The following RNF213 variants were observed in gnomAD, a reference collection of about 807,000 sequenced individuals.
The protein encoded by RNF213 is E3 ubiquitin-protein ligase RNF213.
Under a neutral mutation model 514.4 loss-of-function variants are expected in RNF213, and 341 were observed. The ratio of observed to expected loss-of-function variants is 0.66; its 90% CI spans 0.61 to 0.73. The LOEUF is 0.73. RNF213 is among the 30% of genes least tolerant of loss of function. The probability of loss-of-function intolerance (pLI) is 0.00; values close to 1 mark genes in which losing one functional copy is unlikely to be tolerated. For missense variants in RNF213, 5,767 were observed against 6,615.6 expected (o/e 0.87, Z 4.45); for synonymous variants, 2,655 against 2,658.2 (o/e 1.00, Z 0.04).
In RNF213 at chr17:80,347,509, A is replaced by C. The variant is rs757970200; in HGVS notation, c.9174A>C (p.Thr3058=). ...NYVALQILQQ[T]FFEGDQQPEI... is the part of the protein sequence containing the mutation. Reference sequence around the variant, plus strand: ...TGGCACTGCAGATCCTGCAGCAGACATTCTTCGAGGGGGACCAGCAGCCGG... The same window carrying C: ...TGGCACTGCAGATCCTGCAGCAGACCTTCTTCGAGGGGGACCAGCAGCCGG... Residue 3058 remains threonine, a synonymous_variant, in exon 29 of 68, where the codon ACA becomes ACC. Transcript: ENST00000582970. This position sits in a 1 kb window ranked among gnomAD's most constrained non-coding sequence, Gnocchi z 7.2. The C allele has an allele frequency of 6.2e-7, 1 of 1,614,002 alleles. No homozygotes were observed. The highest frequency in any genetic ancestry group is 8.5e-7 in the Non-Finnish European group (1 of 1,180,052).
In RNF213 at chr17:80,345,382, C is replaced by G; in HGVS notation, c.7047C>G (p.Asp2349Glu). The G allele has an allele frequency of 6.2e-7, 1 of 1,614,106 alleles. No individual in the cohort carries two copies. The highest frequency in any genetic ancestry group is 8.5e-7 in the Non-Finnish European group (1 of 1,180,032). Residue 2349 changes from aspartate (D) to glutamate (E), a missense_variant, in exon 29 of 68, where the codon GAC becomes GAG. Around this residue, in one of 13 missense-constraint regions of RNF213, gnomAD observed 1,377 missense variants for 1,635.2 expected, o/e 0.84. Coordinates refer to ENST00000582970, the MANE Select transcript of RNF213 (RefSeq NM_001256071.3). This position sits in a 1 kb window ranked among gnomAD's most constrained non-coding sequence, Gnocchi z 6.0. ...TCAAGAGAGACGTCATGACCAGGGA[C>G]CTGTACCAGGGCCTGCTGCTCCAGA... The part of the protein sequence containing the change: ...KVIKRDVMTR[D>E]LYQGLLLQRV...
chr17:80,346,006 C>T lies in RNF213; in HGVS notation c.7671C>T (p.Gly2557=). The T allele has an allele frequency of 6.2e-7, 1 of 1,614,202 alleles. No individual in the cohort carries two copies. The highest frequency in any genetic ancestry group is 8.5e-7 in the Non-Finnish European group (1 of 1,180,036). The stretch of plus-strand genomic sequence containing the variant: ...TGGAGGAGACGGCCGACAGGCTGGG[C>T]TCCATTCCTCTGAGGCAGCTGGTAT... ...VSMEETADRL[G]SIPLRQLVYR... is the part of the protein sequence containing the mutation. The change falls in exon 29 of 68, where the codon GGC becomes GGT. Residue 2557 remains glycine, a synonymous_variant. Coordinates refer to ENST00000582970, the MANE Select transcript of RNF213 (RefSeq NM_001256071.3). This position sits in a 1 kb window ranked among gnomAD's most constrained non-coding sequence, Gnocchi z 8.1.
chr17:80,290,402 CTTG>C (rs1568019021), intron 6 of RNF213, among the ~76,000 whole-genome samples, 165 bp from the exon 7 acceptor site: 2 of 140,540 alleles, frequency 1.4e-5, no homozygotes, highest in Non-Finnish European at 3.1e-5. Flanking sequence ...TGTACGTGTG[CTTG>C]TGTGTGTGCG....
intron 54 of RNF213, among the ~76,000 whole-genome samples, chr17:80,378,568 C>T (rs767105240): frequency 7.9e-5 from 12 of 152,168 alleles, no homozygotes; most frequent in Non-Finnish European, 1.5e-4. Context: ...GCGATCCTCC[C>T]GCCTCGGCCT....
At chr17:80,309,850 G>A (rs1207345751) in intron 14 of RNF213, among the ~76,000 whole-genome samples, 1 of 151,996 alleles carries the variant, frequency 6.6e-6, no homozygotes, top group African/African-American at 2.4e-5. Flanking sequence ...CCGCCTCCTG[G>A]GTTCACGCCA....
At chr17:80,282,694 G>A (rs1021856221) in intron 3 of RNF213, among the ~76,000 whole-genome samples, 7 of 150,958 alleles carry the variant, frequency 4.6e-5, no homozygotes, top group Admixed American at 3.3e-4. Context: ...CACTGCACCC[G>A]GCCTATTATT....
At chr17:80,294,594 T>G (rs1038927859) in intron 8 of RNF213, 126 bp from the exon 9 acceptor site, 3 of 1,219,446 alleles carry the variant, frequency 2.5e-6, no homozygotes, top group Non-Finnish European at 2.4e-6. Flanking sequence ...GCTTTTCCCT[T>G]CCTCCCTTCC....
intron 61 of RNF213, 43 bp downstream of exon 61, chr17:80,385,664 C>A (rs753429637): frequency 1.1e-5 from 17 of 1,540,742 alleles, no homozygotes; most frequent in Non-Finnish European, 1.5e-5. Flanking sequence ...TCCAGGAGAG[C>A]CTCGTCTGAA....
chr17:80,354,885 A>G (rs1439726132), intron 36 of RNF213: 1 of 417,534 alleles, frequency 2.4e-6, no homozygotes, highest in Non-Finnish European at 4.5e-6. Context: ...AACCCTAGAA[A>G]GGGCTGCTGT....
At chr17:80,378,803 T>C (rs1296404930) in intron 54 of RNF213, among the ~76,000 whole-genome samples, 1 of 152,238 alleles carries the variant, frequency 6.6e-6, no homozygotes, top group East Asian at 1.9e-4. Flanking sequence ...GCCGTGACTC[T>C]CAGTATATTG....
At position 80,288,003 on chromosome 17, in the gene RNF213, C is replaced by A. The variant is rs775458343; in HGVS notation, c.450C>A (p.Pro150=). Residue 150 remains proline, a synonymous_variant, in exon 4 of 68, where the codon CCC becomes CCA. Coordinates refer to ENST00000582970, the MANE Select transcript of RNF213 (RefSeq NM_001256071.3). The surrounding 1 kb of genome is among the most constrained non-coding windows in gnomAD (Gnocchi z 4.9). ...GCCCCACTGGCCAGCCGAGCCAGCC[C>A]CCAGGCACAGCCACCACGCCACTGG... The part of the protein sequence containing the change: ...QSGPTGQPSQ[P]PGTATTPLEG... The A allele has an allele frequency of 3.8e-6, 6 of 1,590,414 alleles. No individual in the cohort carries two copies. The highest frequency in any genetic ancestry group is 4.3e-6 in the Non-Finnish European group (5 of 1,168,720).
rs1426321001 is a variant in RNF213 at position 80,313,072 on chromosome 17, A to G, written c.2716A>G (p.Thr906Ala). ...NNSVQTVFQGTLAATKRWLRE... is the reference protein window; with the variant it reads ...NNSVQTVFQGALAATKRWLRE... ...TTCAGTCCAAACAGTCTTCCAAGGG[A>G]CCCTTGCTGCTACGAAAAGGTGGCT... Residue 906 changes from threonine (T) to alanine (A), a missense_variant, in exon 15 of 68, where the codon ACC (threonine) becomes GCC (alanine). By Grantham distance (58) the Thr-to-Ala change is moderately conservative. Transcript: ENST00000582970. 6.8e-6 allele frequency: 11 copies of G among 1,613,938 alleles called. No homozygotes were observed. The highest frequency in any genetic ancestry group is 6.8e-6 in the Non-Finnish European group (8 of 1,180,036).
Position 80,383,990 on chromosome 17 carries a change from AG to A in RNF213, c.14322+64del, listed in dbSNP as rs1304204286. ...GTGCAGAGTTCCCCAGCAGGCCTGAAGGCCCTGGGCTTTTACGTAGTATAAT... is the reference window on the plus strand; with the variant it reads ...GTGCAGAGTTCCCCAGCAGGCCTGAAGCCCTGGGCTTTTACGTAGTATAAT... On this transcript the variant is annotated intron_variant, in intron 59 of 67. Transcript: ENST00000582970. The A allele has an allele frequency of 3.1e-6, 5 of 1,599,246 alleles. No homozygotes were observed. In the Admixed American group the frequency reaches 8.3e-5, roughly 27 times the overall value.
intron 50 of RNF213, among the ~76,000 whole-genome samples, chr17:80,375,493 A>G (rs2079712117): frequency 6.6e-6 from 1 of 151,882 alleles, no homozygotes; most frequent in South Asian, 2.1e-4. Context: ...CAAGGTCAGG[A>G]GTTTGAGACC....
intron 1 of RNF213, among the ~76,000 whole-genome samples, chr17:80,261,234 C>CG (rs1043067745): frequency 3.3e-5 from 5 of 152,170 alleles, no homozygotes; most frequent in East Asian, 1.9e-4. Context: ...GGCCGGGGCA[C>CG]GGGGGGTGTA....
chr17:80,289,046 G>T (rs1598928053), intron 5 of RNF213, among the ~76,000 whole-genome samples: 1 of 152,206 alleles, frequency 6.6e-6, no homozygotes, highest in Non-Finnish European at 1.5e-5. Context: ...GGTGGTGAGG[G>T]ATGGTCCCCG....
intron 3 of RNF213, among the ~76,000 whole-genome samples, chr17:80,277,955 G>T (rs1013181676): frequency 1.3e-5 from 2 of 152,202 alleles, no homozygotes; most frequent in Admixed American, 6.5e-5. Flanking sequence ...GGGAAAGGGC[G>T]CACAGAGAGG....
At chr17:80,300,631 G>A (rs1372701332) in intron 11 of RNF213, among the ~76,000 whole-genome samples, 1 of 152,084 alleles carries the variant, frequency 6.6e-6, no homozygotes, top group African/African-American at 2.4e-5. Context: ...TCAGCTCACT[G>A]TAACCTCTGC....
intron 10 of RNF213, among the ~76,000 whole-genome samples, chr17:80,296,466 G>T (rs2044952581): frequency 1.3e-5 from 2 of 152,166 alleles, no homozygotes; most frequent in South Asian, 4.1e-4. Flanking sequence ...CCATGCCCCT[G>T]CCTGTGCCGT....
Sources: gnomAD v4.1 joint callset for allele counts (sites outside exome capture counted in the v4.1 genomes callset) on GRCh38, gnomAD v4.1.1 for gene constraint, gnomAD v4.1.1 regional missense constraint, Gnocchi (gnomAD v3.1) non-coding constraint, MANE v1.5 for transcripts, NCBI Gene and HGNC (gene_info 2026-07-23, HGNC 2026-07-21) for gene names.